The following RC3H1 variants were observed in gnomAD, a reference collection of about 807,000 sequenced individuals.
RC3H1 encodes the protein roquin-1.
A neutral mutation model predicts 138.2 loss-of-function variants in RC3H1; 50 were observed. The observed-to-expected ratio is 0.36, with a 90% confidence interval of 0.29 to 0.46. The LOEUF (loss-of-function observed/expected upper bound fraction) is 0.46. Among genes scored for constraint, RC3H1 ranks in the 20% least tolerant of loss-of-function variants. The probability of loss-of-function intolerance (pLI) is 1.00; values close to 1 mark genes in which losing one functional copy is unlikely to be tolerated. For missense variants in RC3H1, 1,031 were observed against 1,388.1 expected, an observed-to-expected ratio of 0.74 and a Z score of 4.09; for synonymous variants, 462 against 489.1, an observed-to-expected ratio of 0.94 and a Z score of 0.73.
At chr1:173,976,954 G>A (rs1343005942) in intron 7 of RC3H1, among the ~76,000 whole-genome samples, 8 of 147,084 alleles carry the variant, frequency 5.4e-5, no homozygotes, top group Admixed American at 4.1e-4. Flanking sequence ...ACGGAGTCTC[G>A]CTCTGTTGCC....
In RC3H1 at chr1:173,962,087, A is replaced by G; in HGVS notation, c.1840T>C (p.Tyr614His). The change falls in exon 12 of 20, where the codon TAT becomes CAT. Residue 614 changes from tyrosine to histidine, a missense_variant. Physicochemically the swap from Tyr to His is moderately conservative, Grantham distance 83 (BLOSUM62 2). Coordinates refer to ENST00000367696, the MANE Select transcript of RC3H1 (RefSeq NM_172071.4). ...EPAPYQQGMY[Y>H]TPPPQCVSRF... is the part of the protein sequence containing the mutation. ...GACACACATTGTGGTGGTGGAGTAT[A>G]ATACATACCTGCACAATACAAAAGA... 1.2e-6 allele frequency: 2 copies of G among 1,613,000 alleles called. No individual in the cohort carries two copies. The highest frequency in any genetic ancestry group is 1.1e-5 in the South Asian group (1 of 90,968).
chr1:173,958,814 GT>G (rs139124914), intron 13 of RC3H1, among the ~76,000 whole-genome samples: 5 of 145,188 alleles, frequency 3.4e-5, no homozygotes, highest in African/African-American at 7.6e-5. Context: ...TTATTTGACT[GT>G]TTTTTTTTTC....
chr1:173,950,420 C>CAAAAAAAAAAAAAAAAAAAAA lies in RC3H1; in HGVS notation c.2523+1545_2523+1565dup, dbSNP rs60259705. On this transcript the variant is annotated intron_variant, in intron 14 of 19. Coordinates refer to ENST00000367696, the MANE Select transcript of RC3H1 (RefSeq NM_172071.4). ...CAACATAGCAAGACCTCATCTCTACCAAAAAAAAAAAAAAAAAAAAAGAGC... is the reference window on the plus strand; with the variant it reads ...CAACATAGCAAGACCTCATCTCTACCAAAAAAAAAAAAAAAAAAAAAAAAAAAAAAAAAAAAAAAAAAGAGC... 2.7e-3 allele frequency among the ~76,000 whole-genome samples: 170 copies of CAAAAAAAAAAAAAAAAAAAAA among 63,646 alleles called. 19 individuals carry two copies. The highest frequency in any genetic ancestry group is 8.8e-3 in the African/African-American group (127 of 14,398). The allele number at this position is 63,646 out of a possible 152,430, so 41.8% of individuals were successfully genotyped here.
chr1:173,985,562 G>A (rs1660993408), intron 2 of RC3H1, among the ~76,000 whole-genome samples: 1 of 140,106 alleles, frequency 7.1e-6, no homozygotes, highest in African/African-American at 2.8e-5. Flanking sequence ...TATACTTATG[G>A]GGTACAATGT....
intron 4 of RC3H1, 112 bp downstream of exon 4, chr1:173,983,306 A>G: frequency 7.9e-7 from 1 of 1,272,700 alleles, no homozygotes; most frequent in Admixed American, 2.1e-5. Context: ...ACAAGATATT[A>G]GTTGGTAACA....
intron 2 of RC3H1, among the ~76,000 whole-genome samples, chr1:173,986,407 C>T (rs995149736): frequency 6.6e-6 from 1 of 151,922 alleles, no homozygotes; most frequent in Non-Finnish European, 1.5e-5. Context: ...GCTGGAGTGC[C>T]GTGGCAGCAT....
chr1:173,961,597 T>A (rs984812836), intron 12 of RC3H1, 128 bp downstream of exon 12: 76 of 897,430 alleles, frequency 8.5e-5, no homozygotes, highest in Admixed American at 2.3e-4. Flanking sequence ...TGAAAAGATT[T>A]AAAAAAAAAA....
At chr1:174,016,698 A>G (rs938843147) in intron 1 of RC3H1, among the ~76,000 whole-genome samples, 1 of 152,016 alleles carries the variant, frequency 6.6e-6, no homozygotes, top group Non-Finnish European at 1.5e-5. Context: ...CTAAGAACAT[A>G]AAGTGACTTT....
In RC3H1 at chr1:173,982,293, C is replaced by T. The variant is rs549395294; in HGVS notation, c.768+434G>A. ...ACTCGGGAGGCTGAGACAGGAGAAT[C>T]GCTTGAACGCAGGAGGTGGAGGTTG... is the stretch of plus-strand genomic sequence containing the variant. On this transcript the variant is annotated intron_variant, in intron 5 of 19. Transcript: ENST00000367696. Among the ~76,000 whole-genome samples, 5 of 151,534 alleles carry T rather than the reference C, an allele frequency of 3.3e-5. No homozygotes were observed. The East Asian group carries it at 5.9e-4, about 18-fold the overall frequency.
chr1:173,980,841 G>A lies in RC3H1; in HGVS notation c.937C>T (p.His313Tyr). 2 of 1,614,066 alleles carry A rather than the reference G, an allele frequency of 1.2e-6. No homozygotes were observed. The highest frequency in any genetic ancestry group is 1.7e-6 in the Non-Finnish European group (2 of 1,179,998). The change falls in exon 6 of 20, where the codon CAC (histidine) becomes TAC (tyrosine). Residue 313 changes from histidine (H) to tyrosine (Y), a missense_variant. Physicochemically the swap from His to Tyr is moderately conservative, Grantham distance 83 (BLOSUM62 2). Coordinates refer to ENST00000367696, the MANE Select transcript of RC3H1 (RefSeq NM_172071.4). ...WSSLLYGDQSHKSHMQSIIDK... is the reference protein window; with the variant it reads ...WSSLLYGDQSYKSHMQSIIDK... ...ATAATGGACTGCATATGAGATTTGT[G>A]AGACTGGTCTCCATAAAGCAAAGAG...
intron 1 of RC3H1, among the ~76,000 whole-genome samples, chr1:174,012,972 T>C (rs1279542026): frequency 7.9e-5 from 12 of 151,666 alleles, no homozygotes; most frequent in East Asian, 1.9e-4. Flanking sequence ...CAGACTATTA[T>C]AGAATGCTGC....
rs546132150 is a variant in RC3H1 at position 173,960,909 on chromosome 1, A to T, written c.2370+168T>A. On this transcript the variant is annotated intron_variant, in intron 13 of 19. Transcript: ENST00000367696. ...CTTGACTCCTAATGCATTACATTAC[A>T]TACATACAAAAATCAGTTCTAGATG... 1,088 of 633,562 alleles carry T rather than the reference A, an allele frequency of 1.7e-3. 2 individuals are homozygous for T. Among genetic ancestry groups the T allele is most frequent in the South Asian group, 3.8e-3 (176 of 46,176 alleles). 39.2% of individuals were successfully genotyped at this position (633,562 alleles called of 1,614,324 possible). A position where few individuals can be genotyped will look rare whatever the true frequency, so the allele number is the denominator to read the frequency against.
At chr1:173,970,256 T>A (rs1272283998) in intron 9 of RC3H1, among the ~76,000 whole-genome samples, 2 of 152,238 alleles carry the variant, frequency 1.3e-5, no homozygotes, top group Non-Finnish European at 2.9e-5. Flanking sequence ...ATTTTGTGCA[T>A]GAAGTTTTGA....
chr1:173,959,451 G>A (rs1417740184), intron 13 of RC3H1, among the ~76,000 whole-genome samples: 1 of 152,196 alleles, frequency 6.6e-6, no homozygotes, highest in Non-Finnish European at 1.5e-5. Context: ...GGTATATCAT[G>A]TTCATAGAGA....
intron 9 of RC3H1, 105 bp from the exon 10 acceptor site, chr1:173,965,225 T>TAG: frequency 9.9e-7 from 1 of 1,013,070 alleles, no homozygotes; most frequent in South Asian, 1.7e-5. Flanking sequence ...TCTTGAAACA[T>TAG]TAACTCTATC....
chr1:173,996,678 C>T (rs1158115077), intron 1 of RC3H1, among the ~76,000 whole-genome samples: 2 of 152,116 alleles, frequency 1.3e-5, no homozygotes, highest in East Asian at 1.9e-4. Flanking sequence ...GACCTACGTC[C>T]GGGCATAAAG....
chr1:174,001,410 G>A (rs1661563375), intron 1 of RC3H1, among the ~76,000 whole-genome samples: 1 of 152,162 alleles, frequency 6.6e-6, no homozygotes, highest in African/African-American at 2.4e-5. Context: ...CAAAGAGGTG[G>A]CAGAATGATG....
At chr1:173,967,770 A>G (rs2102955179) in intron 9 of RC3H1, among the ~76,000 whole-genome samples, 1 of 152,304 alleles carries the variant, frequency 6.6e-6, no homozygotes, top group Admixed American at 6.5e-5. Flanking sequence ...TTTGTACCAT[A>G]TCTTAGTTTT....
At chr1:174,021,478 T>C (rs914978825) in intron 1 of RC3H1, among the ~76,000 whole-genome samples, 1 of 151,460 alleles carries the variant, frequency 6.6e-6, no homozygotes, top group African/African-American at 2.4e-5. Context: ...TTTTGTTGCA[T>C]TTAAGTTTTT....
Sources: allele counts gnomAD v4.1 joint callset (sites outside exome capture counted in the v4.1 genomes callset), GRCh38; gene constraint gnomAD v4.1.1; transcripts MANE v1.5; gene names NCBI Gene and HGNC (gene_info 2026-07-23, HGNC 2026-07-21).